ARHGEF3: variants seen among roughly 807,000 people sequenced by gnomAD.
The protein encoded by ARHGEF3 is 59.8 kDA protein.
Under a neutral mutation model 63.2 loss-of-function variants are expected in ARHGEF3, and 28 were observed. The observed-to-expected ratio is 0.44, with a 90% CI of 0.33 to 0.61. ARHGEF3 has a LOEUF of 0.61. Among genes scored for constraint, ARHGEF3 ranks in the 20% least tolerant of loss-of-function variants. The pLI, the probability that ARHGEF3 is intolerant of heterozygous loss-of-function variation, is 0.03. For missense variants in ARHGEF3, 533 were observed against 659.3 expected (o/e 0.81, Z 2.10); for synonymous variants, 266 against 254.2 (o/e 1.05, Z -0.44).
At chr3:56,996,038 A>G (rs1246647386) in intron 2 of ARHGEF3, among the ~76,000 whole-genome samples, 4 of 152,220 alleles carry the variant, frequency 2.6e-5, no homozygotes, top group Non-Finnish European at 5.9e-5. Flanking sequence ...AAGGAAAAAA[A>G]CACAGGTGAC....
intron 3 of ARHGEF3, among the ~76,000 whole-genome samples, chr3:56,938,211 T>C (rs906096129): frequency 6.6e-6 from 1 of 151,992 alleles, no homozygotes; most frequent in Non-Finnish European, 1.5e-5. Flanking sequence ...ATTTCCAGGG[T>C]TGGATGGCAG....
chr3:57,077,821 T>A (rs972348917), intron 1 of ARHGEF3, among the ~76,000 whole-genome samples: 1 of 152,090 alleles, frequency 6.6e-6, no homozygotes, highest in Non-Finnish European at 1.5e-5. Context: ...ACAAAGTTCA[T>A]CTCTAATCCC....
chr3:56,947,390 C>A (rs151212040), intron 3 of ARHGEF3, among the ~76,000 whole-genome samples: 2,936 of 152,238 alleles, frequency 0.019, 91 homozygotes, highest in African/African-American at 0.064. Flanking sequence ...CCCATCTCAC[C>A]TGCAGAGACA....
intron 1 of ARHGEF3, among the ~76,000 whole-genome samples, chr3:57,040,301 C>T (rs1221484926): frequency 6.6e-6 from 1 of 150,904 alleles, no homozygotes; most frequent in Non-Finnish European, 1.5e-5. Context: ...CATGGTGAAA[C>T]CCCATCTCTA....
At chr3:56,944,805 C>G (rs1699393249) in intron 3 of ARHGEF3, among the ~76,000 whole-genome samples, 1 of 152,016 alleles carries the variant, frequency 6.6e-6, no homozygotes, top group Non-Finnish European at 1.5e-5. Flanking sequence ...CCTTGAACTC[C>G]TGACCTCAAG....
At chr3:56,858,243 C>CAA (rs10543472) in intron 4 of ARHGEF3, among the ~76,000 whole-genome samples, 7 of 88,100 alleles carry the variant, frequency 7.9e-5, no homozygotes, top group Admixed American at 1.3e-4. Context: ...GACCCTGTCT[C>CAA]AAAAAAAAAA....
At chr3:57,011,972 C>T (rs969537902) in intron 2 of ARHGEF3, among the ~76,000 whole-genome samples, 8 of 152,050 alleles carry the variant, frequency 5.3e-5, no homozygotes, top group Non-Finnish European at 7.4e-5. Context: ...GCCCTGGGTC[C>T]TGGGTGGTCC....
At chr3:56,738,712 T>C (rs2033808731) in intron 7 of ARHGEF3, among the ~76,000 whole-genome samples, 5 of 152,174 alleles carry the variant, frequency 3.3e-5, no homozygotes. Context: ...TTTATTCTGA[T>C]GTGTTGGTCA....
At chr3:56,810,030 A>G (rs2038009824) in intron 4 of ARHGEF3, among the ~76,000 whole-genome samples, 1 of 151,986 alleles carries the variant, frequency 6.6e-6, no homozygotes, top group African/African-American at 2.4e-5. Context: ...GCCTGGCCAT[A>G]TATTTATTTA....
intron 4 of ARHGEF3, among the ~76,000 whole-genome samples, chr3:56,839,158 T>G (rs1037027457): frequency 7.9e-5 from 12 of 151,842 alleles, no homozygotes; most frequent in Admixed American, 7.2e-4. Context: ...AAATTTTTTT[T>G]TGTATAACCT....
At chr3:56,786,164 A>G (rs55993130) in intron 1 of ARHGEF3, among the ~76,000 whole-genome samples, 52,418 of 152,110 alleles carry the variant, frequency 0.34, 10,063 homozygotes, top group Middle Eastern at 0.6. Flanking sequence ...CGAAAACAGA[A>G]TACATTGAAA....
intron 2 of ARHGEF3, among the ~76,000 whole-genome samples, chr3:56,767,304 C>T (rs528034395): frequency 3.3e-5 from 5 of 150,834 alleles, no homozygotes; most frequent in South Asian, 2.1e-4. Flanking sequence ...CACATGCGGC[C>T]GGGCGCGGTG....
chr3:57,018,278 C>A (rs1349410394), intron 2 of ARHGEF3, among the ~76,000 whole-genome samples: 1,569 of 111,612 alleles, frequency 0.014, no homozygotes, highest in South Asian at 0.024. Context: ...GGCTCTGTCA[C>A]AAAAAAAAAA....
intron 2 of ARHGEF3, among the ~76,000 whole-genome samples, chr3:57,000,339 CA>C (rs1702145343): frequency 6.6e-6 from 1 of 151,048 alleles, no homozygotes; most frequent in Non-Finnish European, 1.5e-5. Context: ...CACACACACA[CA>C]CACCTTAAGC....
At chr3:56,850,168 G>A (rs1578671740) in intron 4 of ARHGEF3, among the ~76,000 whole-genome samples, 1 of 152,224 alleles carries the variant, frequency 6.6e-6, no homozygotes, top group East Asian at 1.9e-4. Flanking sequence ...GCAGTTCCTG[G>A]AATTTTTGAA....
chr3:56,868,257 G>A (rs1424218891), intron 4 of ARHGEF3, among the ~76,000 whole-genome samples: 1 of 152,054 alleles, frequency 6.6e-6, no homozygotes, highest in Non-Finnish European at 1.5e-5. Context: ...ATTTCTCAAG[G>A]TTGGCTTTTA....
intron 1 of ARHGEF3, chr3:57,060,719 C>G (rs1705176484): frequency 6.6e-6 from 1 of 152,242 alleles, no homozygotes; most frequent in Non-Finnish European, 1.5e-5. Flanking sequence ...CTCCCCCACT[C>G]TTCCTGATCC....
intron 2 of ARHGEF3, among the ~76,000 whole-genome samples, chr3:56,770,770 C>T (rs2035962994): frequency 1.3e-5 from 2 of 152,176 alleles, no homozygotes; most frequent in African/African-American, 2.4e-5. Flanking sequence ...AATAACTCTT[C>T]TGTTTCTGCT....
intron 2 of ARHGEF3, among the ~76,000 whole-genome samples, chr3:57,014,489 C>T (rs1337379800): frequency 6.6e-6 from 1 of 152,128 alleles, no homozygotes; most frequent in Non-Finnish European, 1.5e-5. Flanking sequence ...AAAATATTTA[C>T]TGTGCATATG....
Sources: gnomAD v4.1 joint callset for allele counts (sites outside exome capture counted in the v4.1 genomes callset) on GRCh38, gnomAD v4.1.1 for gene constraint, MANE v1.5 for transcripts, NCBI Gene and HGNC (gene_info 2026-07-23, HGNC 2026-07-21) for gene names.